CHN2: variants seen among roughly 807,000 people sequenced by gnomAD.
CHN2 encodes the protein beta-chimaerin.
Under a neutral mutation model 56.3 loss-of-function variants are expected in CHN2, and 35 were observed. The observed-to-expected ratio is 0.62, with a 90% CI of 0.47 to 0.82. CHN2 has a LOEUF of 0.82. Ranked by LOEUF, CHN2 falls within the 40% of genes least tolerant of loss-of-function variation. The pLI, the probability that CHN2 is intolerant of heterozygous loss-of-function variation, is 0.00. For synonymous variants in CHN2, 210 were observed against 212.8 expected (o/e 0.99, Z 0.12); for missense variants, 491 against 580.5 (o/e 0.85, Z 1.58).
chr7:29,213,362 G>A, intron 1 of CHN2: 2 of 627,538 alleles, frequency 3.2e-6, no homozygotes, highest in Non-Finnish European at 5.7e-6. Context: ...ATTTGATGGA[G>A]GATACAGTAT....
At chr7:29,465,082 C>G (rs933303460) in intron 6 of CHN2, among the ~76,000 whole-genome samples, 2 of 152,136 alleles carry the variant, frequency 1.3e-5, no homozygotes, top group Non-Finnish European at 2.9e-5. Context: ...CTGATATCAT[C>G]AGAATATTTC....
chr7:29,307,723 C>T lies in CHN2; in HGVS notation c.50-46902C>T, dbSNP rs117344345. Among the ~76,000 whole-genome samples the T allele has an allele frequency of 3.7e-3, 556 of 152,228 alleles. 1 individual carries two copies. Among genetic ancestry groups the T allele is most frequent in the South Asian group, 0.021 (102 of 4,812 alleles). On this transcript the variant is annotated intron_variant, in intron 1 of 12. Transcript: ENST00000222792. ...GGAAGGTGGACAAAATAGATTCTTCCTTAGCGTCTCCACCCAGCTGTTGAA... is the reference window on the plus strand; with the variant it reads ...GGAAGGTGGACAAAATAGATTCTTCTTTAGCGTCTCCACCCAGCTGTTGAA...
Position 29,480,303 on chromosome 7 carries a change from GC to G in CHN2, c.604del (p.Leu202SerfsTer49). 1 of 1,614,158 alleles carries G rather than the reference GC, an allele frequency of 6.2e-7. No homozygotes were observed. Among genetic ancestry groups the G allele is most frequent in the Non-Finnish European group, 8.5e-7 (1 of 1,180,034 alleles). ...EKISSLVRRA[A>X]LTHNDNHFNY... ...GATCTCCTCCCTGGTTCGAAGGGCT[GC>G]CCTCACACACAACGACAACCACTTC... On this transcript the variant is annotated frameshift_variant, in exon 7 of 13. Coordinates refer to ENST00000222792, the MANE Select transcript of CHN2 (RefSeq NM_004067.4). LOFTEE classifies it high-confidence loss of function.
chr7:29,167,151 A>G (rs556240582), intron 2 of CHN2, among the ~76,000 whole-genome samples: 1 of 152,202 alleles, frequency 6.6e-6, no homozygotes, highest in East Asian at 1.9e-4. Context: ...AGTGTACTCA[A>G]AGGTACAATA....
intron 1 of CHN2, among the ~76,000 whole-genome samples, chr7:29,346,107 A>G (rs547508221): frequency 1.3e-5 from 2 of 152,268 alleles, no homozygotes; most frequent in East Asian, 3.9e-4. Context: ...GGTCTCTAAC[A>G]GCCTTCAGAT....
chr7:29,150,310 G>C (rs949286964), intron 2 of CHN2, among the ~76,000 whole-genome samples: 29 of 152,186 alleles, frequency 1.9e-4, no homozygotes, highest in Non-Finnish European at 2.4e-4. Context: ...TCAAGAGGAA[G>C]AAATAAGATA....
At chr7:29,239,764 A>G (rs553346003) in intron 1 of CHN2, among the ~76,000 whole-genome samples, 3 of 152,182 alleles carry the variant, frequency 2.0e-5, no homozygotes, top group African/African-American at 4.8e-5. Context: ...ACTCCTCTGC[A>G]TAGTGCTCAG....
intron 7 of CHN2, among the ~76,000 whole-genome samples, chr7:29,494,157 T>A (rs572111024): frequency 6.6e-5 from 10 of 152,294 alleles, no homozygotes; most frequent in Admixed American, 6.5e-4. Context: ...AACTGGCTCT[T>A]CTTTTACATC....
At chr7:29,343,752 C>T (rs1797222033) in intron 1 of CHN2, among the ~76,000 whole-genome samples, 2 of 152,038 alleles carry the variant, frequency 1.3e-5, no homozygotes, top group South Asian at 4.2e-4. Flanking sequence ...CTGTCAAAGC[C>T]TTCCCTCCCC....
At chr7:29,248,584 C>T (rs145203122) in intron 1 of CHN2, among the ~76,000 whole-genome samples, 212 of 152,322 alleles carry the variant, frequency 1.4e-3, no homozygotes, top group African/African-American at 4.9e-3. Flanking sequence ...ATCGTGTCAT[C>T]GCACTATCCG....
intron 1 of CHN2, among the ~76,000 whole-genome samples, chr7:29,285,596 C>T (rs960261994): frequency 2.2e-4 from 34 of 152,124 alleles, no homozygotes; most frequent in Admixed American, 5.2e-4. Flanking sequence ...TCATACCACA[C>T]GCAGAGTCAA....
intron 1 of CHN2, among the ~76,000 whole-genome samples, chr7:29,218,064 C>A (rs1785471990): frequency 6.6e-6 from 1 of 152,006 alleles, no homozygotes; most frequent in Non-Finnish European, 1.5e-5. Flanking sequence ...CCCTTTTCAT[C>A]TTACATTTAA....
intron 6 of CHN2, among the ~76,000 whole-genome samples, chr7:29,404,499 T>C (rs1009576242): frequency 3.9e-5 from 6 of 152,172 alleles, no homozygotes; most frequent in African/African-American, 1.4e-4. Flanking sequence ...AAAATGACCT[T>C]AATGTCCATC....
intron 3 of CHN2, among the ~76,000 whole-genome samples, chr7:29,376,844 G>A (rs10254959): frequency 0.89 from 135,504 of 152,208 alleles, 60,489 homozygotes; most frequent in East Asian, 0.99. Flanking sequence ...TAACTTTCCT[G>A]TACTCTTTTA....
chr7:29,291,933 T>A (rs1001521768), intron 1 of CHN2, among the ~76,000 whole-genome samples: 3 of 151,966 alleles, frequency 2.0e-5, no homozygotes, highest in Non-Finnish European at 4.4e-5. Context: ...CTCGGAAGTT[T>A]TGTTTGTATT....
At chr7:29,274,513 C>A (rs1473855885) in intron 1 of CHN2, among the ~76,000 whole-genome samples, 3 of 152,172 alleles carry the variant, frequency 2.0e-5, no homozygotes, top group Non-Finnish European at 4.4e-5. Flanking sequence ...TTAATTGTAA[C>A]CTCCTTTTTC....
chr7:29,261,344 G>A (rs889423379), intron 1 of CHN2, among the ~76,000 whole-genome samples: 9 of 152,080 alleles, frequency 5.9e-5, no homozygotes, highest in African/African-American at 2.2e-4. Context: ...CTGTCTGCTA[G>A]TACCTTCCAC....
At chr7:29,162,207 A>G (rs887115654) in intron 2 of CHN2, among the ~76,000 whole-genome samples, 2 of 152,226 alleles carry the variant, frequency 1.3e-5, no homozygotes, top group Non-Finnish European at 2.9e-5. Flanking sequence ...TATTCACACA[A>G]AAACTGTTCA....
At chr7:29,416,600 C>T (rs1166045035) in intron 6 of CHN2, among the ~76,000 whole-genome samples, 3 of 152,164 alleles carry the variant, frequency 2.0e-5, no homozygotes, top group Non-Finnish European at 2.9e-5. Flanking sequence ...GTGTGACCAG[C>T]GGCCCAGCTT....
Sources: allele counts gnomAD v4.1 joint callset (sites outside exome capture counted in the v4.1 genomes callset), GRCh38; gene constraint gnomAD v4.1.1; transcripts MANE v1.5; gene names NCBI Gene and HGNC (gene_info 2026-07-23, HGNC 2026-07-21).